The following PSD3 variants were observed in gnomAD, a reference collection of about 807,000 sequenced individuals.
PSD3 encodes PH and SEC7 domain-containing protein 3.
In PSD3, 49 loss-of-function variants were observed where a neutral mutation model predicts 105.5. That is an observed-to-expected ratio of 0.46 (90% CI 0.37 to 0.59). PSD3 has a LOEUF of 0.59. Among genes scored for constraint, PSD3 ranks in the 20% least tolerant of loss-of-function variants. The pLI, the probability that PSD3 is intolerant of heterozygous loss-of-function variation, is 0.00. For synonymous variants in PSD3, 557 were observed against 457.8 expected (o/e 1.22, Z -2.77); for missense variants, 1,561 against 1,263.8 (o/e 1.24, Z -3.57).
intron 9 of PSD3, among the ~76,000 whole-genome samples, chr8:18,672,431 C>G (rs1251268847): frequency 6.6e-6 from 1 of 151,956 alleles, no homozygotes; most frequent in Non-Finnish European, 1.5e-5. Flanking sequence ...ATGCATTAGA[C>G]AAAGCAATGA....
At chr8:18,888,976 A>C (rs1215303893) in intron 2 of PSD3, among the ~76,000 whole-genome samples, 1 of 152,092 alleles carries the variant, frequency 6.6e-6, no homozygotes, top group Non-Finnish European at 1.5e-5. Flanking sequence ...AGCACCCCTT[A>C]CCCACCACAG....
At chr8:19,084,711 G>C in exon 1 of PSD3, 1 of 317,440 alleles carries the variant, frequency 3.2e-6, no homozygotes, top group South Asian at 2.6e-5. Context: ...AGTGAAAGCA[G>C]CTGATTCCTC....
At chr8:18,966,694 G>T (rs1824273978) in intron 1 of PSD3, among the ~76,000 whole-genome samples, 1 of 152,160 alleles carries the variant, frequency 6.6e-6, no homozygotes, top group Admixed American at 6.5e-5. Context: ...CAGATCCCCA[G>T]GGTCACAAAC....
chr8:18,965,215 A>C (rs1454590171), intron 1 of PSD3, among the ~76,000 whole-genome samples: 3 of 152,194 alleles, frequency 2.0e-5, no homozygotes, highest in African/African-American at 7.2e-5. Flanking sequence ...CAATAACCTC[A>C]TTCACTGGTC....
chr8:18,875,741 G>A (rs889261454), intron 2 of PSD3, among the ~76,000 whole-genome samples: 3 of 152,082 alleles, frequency 2.0e-5, no homozygotes, highest in African/African-American at 7.2e-5. Context: ...GTTTCACAGT[G>A]TTAGCCAGGA....
At position 18,972,646 on chromosome 8, in the gene PSD3, G is replaced by A. The variant is rs900401123; in HGVS notation, c.22-36504C>T. On this transcript the variant is annotated intron_variant, in intron 1 of 15. Transcript: ENST00000327040. ...ATAAGGTAATTAGGTCATAAGGGTG[G>A]AGCCCTCATCAATGGGATCAGTGCC... is the stretch of plus-strand genomic sequence containing the variant. Among the ~76,000 whole-genome samples, 5 of 152,186 alleles carry A rather than the reference G, an allele frequency of 3.3e-5. No individual in the cohort carries two copies. In the East Asian group the frequency reaches 5.8e-4, roughly 18 times the overall value.
chr8:18,964,409 C>T (rs1824117239), intron 1 of PSD3, among the ~76,000 whole-genome samples: 1 of 152,126 alleles, frequency 6.6e-6, no homozygotes, highest in Admixed American at 6.5e-5. Flanking sequence ...CAGGTGTGAG[C>T]TACATTGCCT....
At chr8:18,536,064 G>A (rs1338444314) in intron 15 of PSD3, 106 bp from the exon 16 acceptor site, 1 of 1,098,926 alleles carries the variant, frequency 9.1e-7, no homozygotes, top group Non-Finnish European at 1.3e-6. Flanking sequence ...GGCTGTTGAA[G>A]ACTTCGCTTC....
At chr8:18,871,579 G>GAT in intron 3 of PSD3, 47 bp downstream of exon 3, 1 of 1,534,284 alleles carries the variant, frequency 6.5e-7, no homozygotes. Flanking sequence ...AGTTTTCTAT[G>GAT]ATATGTACCA....
intron 2 of PSD3, among the ~76,000 whole-genome samples, chr8:18,876,927 C>T (rs1817768730): frequency 6.6e-6 from 1 of 152,198 alleles, no homozygotes; most frequent in African/African-American, 2.4e-5. Flanking sequence ...TCCCTAATGA[C>T]TAATTATGTT....
At chr8:18,560,612 A>C (rs975277557) in intron 14 of PSD3, among the ~76,000 whole-genome samples, 13 of 152,194 alleles carry the variant, frequency 8.5e-5, no homozygotes, top group African/African-American at 3.1e-4. Context: ...ATATGTCAAT[A>C]GATTTAAATC....
chr8:18,942,730 C>A (rs777207945), intron 1 of PSD3, among the ~76,000 whole-genome samples: 1 of 152,118 alleles, frequency 6.6e-6, no homozygotes, highest in Non-Finnish European at 1.5e-5. Context: ...AAGAAAGCAA[C>A]CCTTCCAACT....
rs1813810843 is a variant in PSD3 at position 18,833,123 on chromosome 8, A to T, written c.1635-28225T>A. Among the ~76,000 whole-genome samples the T allele has an allele frequency of 2.6e-5, 4 of 152,236 alleles. No individual in the cohort carries two copies. In the South Asian group the frequency reaches 6.2e-4, roughly 24 times the overall value. On this transcript the variant is annotated intron_variant, in intron 4 of 15. Transcript: ENST00000327040. The stretch of plus-strand genomic sequence containing the variant: ...AAAGGAGCAATGCAATAGAACACAT[A>T]GCCTAGTCTAAGGACATCAGCCTTC...
At chr8:18,778,814 T>C (rs576954123) in intron 8 of PSD3, among the ~76,000 whole-genome samples, 1 of 152,116 alleles carries the variant, frequency 6.6e-6, no homozygotes, top group Non-Finnish European at 1.5e-5. Flanking sequence ...ACCCACTTGA[T>C]CATCGTGAAT....
chr8:18,721,615 A>C (rs1488450370), intron 9 of PSD3, among the ~76,000 whole-genome samples: 2 of 152,200 alleles, frequency 1.3e-5, no homozygotes, highest in African/African-American at 2.4e-5. Context: ...TAACAACAAG[A>C]CCAGAGATGG....
chr8:18,805,050 A>G (rs1483965190), intron 4 of PSD3, 152 bp from the exon 5 acceptor site: 2 of 717,276 alleles, frequency 2.8e-6, no homozygotes, highest in African/African-American at 3.6e-5. Context: ...TTTTTCAGTT[A>G]CCATATTTTA....
At chr8:18,886,960 T>C (rs1188805696) in intron 2 of PSD3, 1 of 152,166 alleles carries the variant, frequency 6.6e-6, no homozygotes, top group Admixed American at 6.5e-5. Context: ...GTAGGGCGTT[T>C]TTATATTTGT....
At chr8:18,953,579 T>G (rs1265505503) in intron 1 of PSD3, among the ~76,000 whole-genome samples, 1 of 151,918 alleles carries the variant, frequency 6.6e-6, no homozygotes, top group Non-Finnish European at 1.5e-5. Flanking sequence ...TAAAACCCCA[T>G]CTCTACTAAA....
intron 1 of PSD3, among the ~76,000 whole-genome samples, chr8:19,032,530 G>T (rs1460195913): frequency 6.6e-6 from 1 of 151,532 alleles, no homozygotes; most frequent in African/African-American, 2.4e-5. Context: ...CATGCCTGTA[G>T]TCCCAGCTAC....
Sources: gnomAD v4.1 joint callset for allele counts (sites outside exome capture counted in the v4.1 genomes callset) on GRCh38, gnomAD v4.1.1 for gene constraint, MANE v1.5 for transcripts, NCBI Gene and HGNC (gene_info 2026-07-23, HGNC 2026-07-21) for gene names.